GREB1L: variants seen among roughly 807,000 people sequenced by gnomAD.
The protein encoded by GREB1L is GREB1 like retinoic acid receptor coactivator, also known as GREB1-like protein.
A neutral mutation model predicts 200.8 loss-of-function variants in GREB1L; 17 were observed. That is an observed-to-expected ratio of 0.08 (90% CI 0.06 to 0.13). The LOEUF is 0.13. Among genes scored for constraint, GREB1L ranks in the 10% least tolerant of loss-of-function variants. GREB1L has a pLI of 1.00. For missense variants in GREB1L, 1,657 were observed against 2,367.7 expected (o/e 0.70, Z 6.23); for synonymous variants, 789 against 893.0 (o/e 0.88, Z 2.08).
In GREB1L at chr18:21,485,785, C is replaced by T. The variant is rs1405864562; in HGVS notation, c.2690+32C>T. Reference sequence around the variant, plus strand: ...AGTAAATAAGGCCTTCTGCTCTTCTCTCTAGCTGTACTTGCAGATCTAAAA... The same window carrying T: ...AGTAAATAAGGCCTTCTGCTCTTCTTTCTAGCTGTACTTGCAGATCTAAAA... On this transcript the variant is annotated intron_variant, in intron 18 of 32. Coordinates refer to ENST00000424526, the MANE Select transcript of GREB1L (RefSeq NM_001142966.3). 5.2e-6 allele frequency: 8 copies of T among 1,545,996 alleles called. No individual in the cohort carries two copies. The South Asian group carries it at 9.6e-5, about 18-fold the overall frequency.
At position 21,490,101 on chromosome 18, in the gene GREB1L, C is replaced by T. The variant is rs1327308892; in HGVS notation, c.2780C>T (p.Ser927Leu). The stretch of plus-strand genomic sequence containing the variant: ...CTGATGGCTCTCACCACCATGGCGT[C>T]ACTCCGCGACCACAGCACACCAGAA... ...EALMALTTMA[S>L]LRDHSTPETL... Residue 927 changes from serine (S) to leucine (L), a missense_variant, in exon 19 of 33, where the codon TCA becomes TTA. By Grantham distance (145) the Ser-to-Leu change is moderately radical. This residue lies in a region of GREB1L where 82 missense variants were observed against 95.9 expected (regional missense o/e 0.85). Coordinates refer to ENST00000424526, the MANE Select transcript of GREB1L (RefSeq NM_001142966.3). 6.4e-7 allele frequency: 1 copy of T among 1,551,932 alleles called. No homozygotes were observed. The highest frequency in any genetic ancestry group is 2.0e-5 in the Admixed American group (1 of 50,994).
chr18:21,263,554 A>G (rs568105146), intron 1 of GREB1L, among the ~76,000 whole-genome samples: 5 of 152,236 alleles, frequency 3.3e-5, no homozygotes, highest in African/African-American at 9.6e-5. Flanking sequence ...TGAATTTTCC[A>G]TTTGAATTTT....
At position 21,496,717 on chromosome 18, in the gene GREB1L, C is replaced by G. The variant is rs912186745; in HGVS notation, c.3391+19C>G. On this transcript the variant is annotated intron_variant, in intron 21 of 32. Coordinates refer to ENST00000424526, the MANE Select transcript of GREB1L (RefSeq NM_001142966.3). Reference sequence around the variant, plus strand: ...ACCTCGGGTCAGTACTTTCTTTTCTCTTTCATGGAGTGAGAGACATGAGTC... The same window carrying G: ...ACCTCGGGTCAGTACTTTCTTTTCTGTTTCATGGAGTGAGAGACATGAGTC... The G allele has an allele frequency of 6.5e-7, 1 of 1,549,282 alleles. No homozygotes were observed. Among genetic ancestry groups the G allele is most frequent in the African/African-American group, 1.4e-5 (1 of 73,080 alleles).
chr18:21,514,736 T>A (rs1267100341), intron 28 of GREB1L, among the ~76,000 whole-genome samples: 1 of 152,174 alleles, frequency 6.6e-6, no homozygotes, highest in African/African-American at 2.4e-5. Context: ...CCACACGCAG[T>A]CATGCTTCTT....
intron 1 of GREB1L, among the ~76,000 whole-genome samples, chr18:21,294,516 A>G (rs529801390): frequency 9.9e-5 from 15 of 152,168 alleles, no homozygotes; most frequent in Admixed American, 3.3e-4. Flanking sequence ...GCAGATTTGC[A>G]GAATCCTTGA....
chr18:21,491,710 C>T (rs1485232762), intron 19 of GREB1L, among the ~76,000 whole-genome samples: 2 of 121,630 alleles, frequency 1.6e-5, no homozygotes, highest in Non-Finnish European at 3.1e-5. Flanking sequence ...GAGACTCTGT[C>T]TCAAAAAAAA....
At chr18:21,454,745 T>G in intron 15 of GREB1L, 182 bp downstream of exon 15, 1 of 618,796 alleles carries the variant, frequency 1.6e-6, no homozygotes, top group Non-Finnish European at 2.9e-6. Flanking sequence ...CTCTGTCCTT[T>G]TTCCCTCAAG....
At chr18:21,358,932 T>C (rs1378952428) in intron 1 of GREB1L, among the ~76,000 whole-genome samples, 1 of 152,256 alleles carries the variant, frequency 6.6e-6, no homozygotes. Flanking sequence ...TGAATTCGTT[T>C]ATTAGTTCTA....
intron 2 of GREB1L, among the ~76,000 whole-genome samples, chr18:21,378,665 G>A (rs749592980): frequency 3.3e-5 from 5 of 151,582 alleles, no homozygotes; most frequent in South Asian, 2.1e-4. Context: ...GTGAGCCACC[G>A]CACCTAGCCA....
At chr18:21,369,367 G>T (rs1056423565) in intron 2 of GREB1L, among the ~76,000 whole-genome samples, 3 of 152,138 alleles carry the variant, frequency 2.0e-5, no homozygotes, top group African/African-American at 7.2e-5. Context: ...GAGGTCACAC[G>T]TTGCCTATTA....
intron 1 of GREB1L, among the ~76,000 whole-genome samples, chr18:21,257,788 TTTAA>T (rs1244544176): frequency 4.6e-5 from 7 of 152,232 alleles, no homozygotes; most frequent in African/African-American, 1.4e-4. Context: ...TGTTTATTGA[TTTAA>T]TTAATAGCAG....
intron 1 of GREB1L, among the ~76,000 whole-genome samples, chr18:21,295,730 G>T (rs1328402613): frequency 6.6e-6 from 1 of 152,152 alleles, no homozygotes; most frequent in Non-Finnish European, 1.5e-5. Flanking sequence ...CCTCCTGGAG[G>T]TCTTTCAAGG....
intron 1 of GREB1L, among the ~76,000 whole-genome samples, chr18:21,352,189 G>A (rs1334311897): frequency 6.6e-6 from 1 of 152,104 alleles, no homozygotes; most frequent in Non-Finnish European, 1.5e-5. Flanking sequence ...ATTGGCTTAT[G>A]ATAAAAATAA....
chr18:21,316,401 A>G (rs1457823342), intron 1 of GREB1L, among the ~76,000 whole-genome samples: 6 of 152,206 alleles, frequency 3.9e-5, no homozygotes, highest in African/African-American at 7.2e-5. Flanking sequence ...GTACAATGTT[A>G]TATTAGAATA....
At chr18:21,298,432 A>G (rs2038564375) in intron 1 of GREB1L, among the ~76,000 whole-genome samples, 1 of 152,078 alleles carries the variant, frequency 6.6e-6, no homozygotes, top group African/African-American at 2.4e-5. Context: ...CTGATTTATG[A>G]TTATATCTTA....
At chr18:21,450,972 A>G (rs1272470556) in intron 12 of GREB1L, 51 bp from the exon 13 acceptor site, 1 of 1,521,290 alleles carries the variant, frequency 6.6e-7, no homozygotes, top group African/African-American at 1.4e-5. Context: ...GTAATGTTCC[A>G]GCAACATTTG....
chr18:21,437,950 G>A (rs1324107952), intron 7 of GREB1L, among the ~76,000 whole-genome samples: 1 of 152,188 alleles, frequency 6.6e-6, no homozygotes, highest in African/African-American at 2.4e-5. Context: ...ATGCCATCAA[G>A]CAAGATGGGC....
intron 4 of GREB1L, among the ~76,000 whole-genome samples, chr18:21,389,841 G>T (rs1038852180): frequency 2.6e-5 from 4 of 152,162 alleles, no homozygotes; most frequent in Non-Finnish European, 4.4e-5. Context: ...ACAGTCAATG[G>T]CTGGCAGGGG....
intron 1 of GREB1L, among the ~76,000 whole-genome samples, chr18:21,288,047 C>T (rs2038386583): frequency 6.6e-6 from 1 of 152,054 alleles, no homozygotes; most frequent in Non-Finnish European, 1.5e-5. Flanking sequence ...TCATGATCTG[C>T]CCACCTTAGC....
Sources: allele counts gnomAD v4.1 joint callset (sites outside exome capture counted in the v4.1 genomes callset), GRCh38; gene constraint gnomAD v4.1.1; regional missense constraint gnomAD v4.1.1; transcripts MANE v1.5; gene names NCBI Gene and HGNC (gene_info 2026-07-23, HGNC 2026-07-21).